Variants in CTNNBIP1 observed in about 807,000 individuals in gnomAD.
CTNNBIP1 encodes beta-catenin-interacting protein 1.
CTNNBIP1 carries 7 observed loss-of-function variants against 11.8 expected under a neutral mutation model. That is an observed-to-expected ratio of 0.60 (90% confidence interval 0.34 to 1.12). The LOEUF is 1.12. Ranked by LOEUF, CTNNBIP1 falls within the 50% of genes most tolerant of loss-of-function variation. CTNNBIP1 has a pLI of 0.03. For missense variants in CTNNBIP1, 101 were observed against 113.4 expected (o/e 0.89, Z 0.50); for synonymous variants, 58 against 43.9 (o/e 1.32, Z -1.26).
chr1:9,886,858 C>T (rs1315273689), intron 1 of CTNNBIP1, among the ~76,000 whole-genome samples: 1 of 152,218 alleles, frequency 6.6e-6, no homozygotes, highest in Non-Finnish European at 1.5e-5. Flanking sequence ...ACACGCTCCA[C>T]TCTCAGTAAT....
intron 5 of CTNNBIP1, among the ~76,000 whole-genome samples, chr1:9,864,291 C>G (rs901751393): frequency 7.9e-5 from 12 of 152,242 alleles, no homozygotes; most frequent in Non-Finnish European, 1.6e-4. Flanking sequence ...TGAGCCAAGT[C>G]TAGGTCTAGG....
chr1:9,860,446 A>C (rs1169173981), intron 5 of CTNNBIP1, among the ~76,000 whole-genome samples: 20 of 150,340 alleles, frequency 1.3e-4, no homozygotes, highest in African/African-American at 4.4e-4. Flanking sequence ...AAAAAAAAAA[A>C]AAAAAAAACA....
At chr1:9,902,273 G>C (rs1639536708) in intron 1 of CTNNBIP1, among the ~76,000 whole-genome samples, 1 of 152,154 alleles carries the variant, frequency 6.6e-6, no homozygotes, top group African/African-American at 2.4e-5. Flanking sequence ...ACTCTGCAGA[G>C]ACAAGGTCTG....
chr1:9,890,316 T>C (rs1382642696), intron 1 of CTNNBIP1, among the ~76,000 whole-genome samples: 1 of 152,188 alleles, frequency 6.6e-6, no homozygotes, highest in Non-Finnish European at 1.5e-5. Context: ...GGGCTATGTC[T>C]TCAGGCTCTA....
At chr1:9,882,911 C>T (rs1231262458) in intron 2 of CTNNBIP1, among the ~76,000 whole-genome samples, 5 of 152,148 alleles carry the variant, frequency 3.3e-5, no homozygotes, top group Admixed American at 2.6e-4. Flanking sequence ...GTTCCAGGGC[C>T]AGAATCGAAA....
At chr1:9,879,048 T>G (rs949292164) in intron 2 of CTNNBIP1, among the ~76,000 whole-genome samples, 1 of 151,952 alleles carries the variant, frequency 6.6e-6, no homozygotes, top group African/African-American at 2.4e-5. Flanking sequence ...ATACAAAAAA[T>G]TAGCTGGACG....
At chr1:9,854,791 C>G (rs1638468401) in intron 5 of CTNNBIP1, among the ~76,000 whole-genome samples, 1 of 152,130 alleles carries the variant, frequency 6.6e-6, no homozygotes, top group Non-Finnish European at 1.5e-5. Flanking sequence ...ATCCTACCAC[C>G]TCAACCTCCC....
chr1:9,863,379 G>A (rs959538745), intron 5 of CTNNBIP1, among the ~76,000 whole-genome samples: 1 of 152,228 alleles, frequency 6.6e-6, no homozygotes, highest in East Asian at 1.9e-4. Context: ...ATTCTCCCTG[G>A]GCCTGACTAT....
chr1:9,859,292 C>A (rs1169758268), intron 5 of CTNNBIP1, among the ~76,000 whole-genome samples: 2 of 152,234 alleles, frequency 1.3e-5, no homozygotes, highest in African/African-American at 4.8e-5. Flanking sequence ...CCATCCTATG[C>A]CCAATGCCAG....
intron 5 of CTNNBIP1, among the ~76,000 whole-genome samples, chr1:9,866,028 T>C (rs139742955): frequency 0.01 from 1,544 of 152,338 alleles, 10 homozygotes; most frequent in Non-Finnish European, 0.015. Context: ...CCAGGTCTGC[T>C]TAGACACCCT....
intron 2 of CTNNBIP1, among the ~76,000 whole-genome samples, chr1:9,878,844 A>C (rs1203935630): frequency 6.6e-6 from 1 of 152,144 alleles, no homozygotes; most frequent in Non-Finnish European, 1.5e-5. Flanking sequence ...ATCCCAATAA[A>C]TGGTGAGGGC....
chr1:9,879,632 C>G (rs1159635691), intron 2 of CTNNBIP1, among the ~76,000 whole-genome samples: 1 of 152,186 alleles, frequency 6.6e-6, no homozygotes, highest in African/African-American at 2.4e-5. Flanking sequence ...CTCTAGATAT[C>G]AAAGCACCAA....
intron 5 of CTNNBIP1, among the ~76,000 whole-genome samples, chr1:9,862,544 A>C (rs1224132784): frequency 6.6e-6 from 1 of 152,204 alleles, no homozygotes; most frequent in Admixed American, 6.5e-5. Context: ...TGAGGTGTGC[A>C]AATGTGTAGA....
At position 9,871,927 on chromosome 1, in the gene CTNNBIP1, C is replaced by T. The variant is rs1370039358; in HGVS notation, c.96+42G>A. Reference sequence around the variant, plus strand: ...CCAGCAGGGCCCCTCCCTGGGAGACCCTCCCTGGGGGCCCGCTGCCTGACA... The same window carrying T: ...CCAGCAGGGCCCCTCCCTGGGAGACTCTCCCTGGGGGCCCGCTGCCTGACA... On this transcript the variant is annotated intron_variant, in intron 4 of 5. Transcript: ENST00000377263. The surrounding 1 kb of genome is among the most constrained non-coding windows in gnomAD (Gnocchi z 5.2). 8 of 1,557,452 alleles carry T rather than the reference C, an allele frequency of 5.1e-6. No homozygotes were observed. The Admixed American group carries it at 1.2e-4, about 23-fold the overall frequency.
intron 5 of CTNNBIP1, among the ~76,000 whole-genome samples, chr1:9,865,634 G>GA (rs970111277): frequency 4.0e-5 from 6 of 150,152 alleles, no homozygotes; most frequent in African/African-American, 4.9e-5. Context: ...AAAACAACAA[G>GA]AAAAAAAAAC....
intron 5 of CTNNBIP1, among the ~76,000 whole-genome samples, chr1:9,866,637 G>A (rs554033997): frequency 5.3e-5 from 8 of 149,884 alleles, no homozygotes; most frequent in East Asian, 3.9e-4. Context: ...CCGAGATCAC[G>A]CCACTGCACT....
rs1047427681 is a variant in CTNNBIP1 at position 9,851,965 on chromosome 1, C to T, written c.188-1189G>A. ...CCCTTTGTAAAAGGCCAGATCTTCA[C>T]TTTGCCCCGAAAAGTACCAGTCTGG... On this transcript the variant is annotated intron_variant, in intron 5 of 5. Transcript: ENST00000377263. The surrounding 1 kb of genome is among the most constrained non-coding windows in gnomAD (Gnocchi z 4.8). 1.3e-5 allele frequency among the ~76,000 whole-genome samples: 2 copies of T among 152,188 alleles called. No individual in the cohort carries two copies. The highest frequency in any genetic ancestry group is 4.1e-4 in the South Asian group (2 of 4,836).
chr1:9,906,579 A>G (rs1247384755), intron 1 of CTNNBIP1, among the ~76,000 whole-genome samples: 3 of 152,148 alleles, frequency 2.0e-5, no homozygotes, highest in Admixed American at 1.3e-4. Context: ...ATAATAATAA[A>G]GAGCTACACT....
chr1:9,880,600 C>T (rs1166072843), intron 2 of CTNNBIP1, among the ~76,000 whole-genome samples: 4 of 152,202 alleles, frequency 2.6e-5, no homozygotes, highest in African/African-American at 4.8e-5. Flanking sequence ...CTACCAACAG[C>T]GTGAAAGCGT....
Sources: gnomAD v4.1 joint callset for allele counts (sites outside exome capture counted in the v4.1 genomes callset) on GRCh38, gnomAD v4.1.1 for gene constraint, Gnocchi (gnomAD v3.1) non-coding constraint, MANE v1.5 for transcripts, NCBI Gene and HGNC (gene_info 2026-07-23, HGNC 2026-07-21) for gene names.